Variants in PCNX2 observed in about 807,000 individuals in gnomAD.
The protein encoded by PCNX2 is pecanex 2.
A neutral mutation model predicts 223.8 loss-of-function variants in PCNX2; 168 were observed. That is an observed-to-expected ratio of 0.75 (90% CI 0.66 to 0.85). The LOEUF is 0.85. Ranked by LOEUF, PCNX2 falls within the 40% of genes least tolerant of loss-of-function variation. PCNX2 has a pLI of 0.00. For synonymous variants in PCNX2, 1,006 were observed against 1,052.6 expected, an observed-to-expected ratio of 0.96 and a Z score of 0.86; for missense variants, 2,507 against 2,675.5, an observed-to-expected ratio of 0.94 and a Z score of 1.39.
Position 232,986,162 on chromosome 1 carries a change from T to C in PCNX2, c.6170A>G (p.Asp2057Gly). The change falls in exon 33 of 34, where the codon GAC becomes GGC. Residue 2057 changes from aspartate (D) to glycine (G), a missense_variant. Transcript: ENST00000258229. ...GTTGACGCTGCTGGATGACTGGGTG[T>C]CACTGGTATTGCCCCCCTCCGCAGC... Reference protein sequence around the residue: ...LSAAEGGNTSDTQSSSSVNIV... With the variant: ...LSAAEGGNTSGTQSSSSVNIV... 1 of 1,568,038 alleles carries C rather than the reference T, an allele frequency of 6.4e-7. No individual in the cohort carries two copies. Among genetic ancestry groups the C allele is most frequent in the Non-Finnish European group, 8.7e-7 (1 of 1,155,762 alleles).
chr1:232,986,187 C>T lies in PCNX2; in HGVS notation c.6145G>A (p.Ala2049Thr), dbSNP rs749359074. The change falls in exon 33 of 34, where the codon GCT (alanine) becomes ACT (threonine). Residue 2049 changes from alanine (A) to threonine (T), a missense_variant. By Grantham distance (58) the Ala-to-Thr change is moderately conservative. Coordinates refer to ENST00000258229, the MANE Select transcript of PCNX2 (RefSeq NM_014801.4). ...TCACTGGTATTGCCCCCCTCCGCAG[C>T]AGAGAGTCCGGAAATGACGAGCGCG... The part of the protein sequence containing the change: ...SSALVISGLS[A>T]AEGGNTSDTQ... The T allele has an allele frequency of 1.3e-6, 2 of 1,561,462 alleles. No individual in the cohort carries two copies. Among genetic ancestry groups the T allele is most frequent in the South Asian group, 1.2e-5 (1 of 84,708 alleles).
At chr1:233,309,497 T>C in the PCNX2 span, among the ~76,000 whole-genome samples, 2 of 150,108 alleles carry the variant, frequency 1.3e-5, no homozygotes, top group South Asian at 4.2e-4. Context: ...GCCAAGATCA[T>C]GCCACTATAC....
At chr1:233,318,269 C>T in the PCNX2 span, among the ~76,000 whole-genome samples, 1 of 152,238 alleles carries the variant, frequency 6.6e-6, no homozygotes, top group East Asian at 1.9e-4. Flanking sequence ...AGAAAGTTTT[C>T]CATTTTTTAA....
chr1:233,179,094 G>A lies in PCNX2; in HGVS notation c.3148C>T (p.Arg1050Cys), dbSNP rs368762592. 2.8e-4 allele frequency: 450 copies of A among 1,613,812 alleles called. No individual in the cohort carries two copies. The highest frequency in any genetic ancestry group is 3.5e-4 in the Non-Finnish European group (410 of 1,179,816). ...LLVALSYHLS[R>C]QSSDPSVLMS... ...AGTACAGATGGGTCACTGCTCTGAC[G>A]GCTCAGATGGTAAGAAAGGGCGACC... Residue 1050 changes from arginine to cysteine, a missense_variant, in exon 16 of 34, where the codon CGT (arginine) becomes TGT (cysteine). Around this residue, in one of 3 missense-constraint regions of PCNX2, gnomAD observed 1,372 missense variants for 1,509.4 expected, o/e 0.91. Coordinates refer to ENST00000258229, the MANE Select transcript of PCNX2 (RefSeq NM_014801.4).
rs1017434081 is a variant in PCNX2, at chr1:233,160,440, T to G, written c.3367-7A>C. On this transcript the variant is annotated splice_region_variant and splice_polypyrimidine_tract_variant and intron_variant, in intron 18 of 33. Transcript: ENST00000258229. ...GCACGATGCTGAGAAATGGCTGCGA[T>G]AAAAATGGGCAGAATCTCATTACTT... 13 of 1,612,798 alleles carry G rather than the reference T, an allele frequency of 8.1e-6. No individual in the cohort carries two copies. The African/African-American group carries it at 1.6e-4, about 20-fold the overall frequency.
intron 25 of PCNX2, among the ~76,000 whole-genome samples, chr1:233,049,514 A>G (rs536351915): frequency 7.9e-4 from 120 of 152,254 alleles, no homozygotes; most frequent in Admixed American, 1.7e-3. Flanking sequence ...TCTATGACAA[A>G]CAAATGGCTG....
At chr1:233,033,574 A>T (rs187078157) in intron 25 of PCNX2, among the ~76,000 whole-genome samples, 1 of 152,254 alleles carries the variant, frequency 6.6e-6, no homozygotes, top group Non-Finnish European at 1.5e-5. Flanking sequence ...TAAAGAGAAC[A>T]TTGTGCAATA....
At chr1:233,217,021 T>C (rs983929218) in intron 12 of PCNX2, among the ~76,000 whole-genome samples, 8 of 151,950 alleles carry the variant, frequency 5.3e-5, no homozygotes, top group Admixed American at 1.3e-4. Context: ...GTTGAACCCA[T>C]AGAAAAAGCG....
At chr1:233,191,967 G>C (rs1031278813) in intron 15 of PCNX2, among the ~76,000 whole-genome samples, 1 of 152,124 alleles carries the variant, frequency 6.6e-6, no homozygotes, top group Non-Finnish European at 1.5e-5. Context: ...TGAGCTTCCT[G>C]ATATAACTAC....
At chr1:233,260,072 C>T (rs1659968284) in intron 4 of PCNX2, among the ~76,000 whole-genome samples, 1 of 152,058 alleles carries the variant, frequency 6.6e-6, no homozygotes, top group South Asian at 2.1e-4. Context: ...GGTCCTGGAA[C>T]CAAATCCCCT....
intron 25 of PCNX2, among the ~76,000 whole-genome samples, chr1:233,042,210 A>G (rs1414971942): frequency 6.6e-6 from 1 of 152,030 alleles, no homozygotes; most frequent in African/African-American, 2.4e-5. Context: ...ATCTGCCCCT[A>G]CCTGCATCTG....
chr1:233,121,117 T>C (rs932983498), intron 21 of PCNX2, among the ~76,000 whole-genome samples: 1 of 151,308 alleles, frequency 6.6e-6, no homozygotes, highest in Non-Finnish European at 1.5e-5. Context: ...TGTATCAATA[T>C]AATAAAATAT....
At chr1:233,055,883 G>C (rs1017433145) in intron 24 of PCNX2, among the ~76,000 whole-genome samples, 2 of 152,008 alleles carry the variant, frequency 1.3e-5, no homozygotes, top group African/African-American at 4.8e-5. Context: ...GGCAGGGAGT[G>C]GTACAAGAAG....
intron 16 of PCNX2, 78 bp downstream of exon 16, chr1:233,178,988 C>T: frequency 2.3e-6 from 3 of 1,300,138 alleles, no homozygotes; most frequent in Non-Finnish European, 3.3e-6. Context: ...GCTGTCTGCC[C>T]ATCTCAGTCA....
intron 28 of PCNX2, among the ~76,000 whole-genome samples, chr1:233,012,235 A>C (rs1326356268): frequency 6.6e-6 from 1 of 152,138 alleles, no homozygotes; most frequent in Admixed American, 6.5e-5. Flanking sequence ...ATTTTTTTCA[A>C]GTCAAACTAT....
chr1:233,269,287 C>T (rs1268819863), intron 1 of PCNX2, among the ~76,000 whole-genome samples: 1 of 152,196 alleles, frequency 6.6e-6, no homozygotes, highest in Non-Finnish European at 1.5e-5. Flanking sequence ...AATTCATTTA[C>T]CTGGCACATA....
At chr1:233,069,897 T>C (rs1022937262) in intron 23 of PCNX2, among the ~76,000 whole-genome samples, 18 of 151,758 alleles carry the variant, frequency 1.2e-4, no homozygotes, top group African/African-American at 1.9e-4. Flanking sequence ...ATCAGTGAAA[T>C]TGAAAAATAA....
chr1:233,056,515 C>T (rs185508626), intron 24 of PCNX2, among the ~76,000 whole-genome samples: 1 of 152,334 alleles, frequency 6.6e-6, no homozygotes, highest in African/African-American at 2.4e-5. Flanking sequence ...CCTCTCCTCC[C>T]TCATTGTACT....
chr1:233,190,799 T>C (rs1321935693), intron 15 of PCNX2, among the ~76,000 whole-genome samples: 1 of 152,166 alleles, frequency 6.6e-6, no homozygotes, highest in Non-Finnish European at 1.5e-5. Context: ...TTTACACCTA[T>C]AACAAGCCAT....
Sources: gnomAD v4.1 joint callset for allele counts (sites outside exome capture counted in the v4.1 genomes callset) on GRCh38, gnomAD v4.1.1 for gene constraint, gnomAD v4.1.1 regional missense constraint, MANE v1.5 for transcripts, NCBI Gene and HGNC (gene_info 2026-07-23, HGNC 2026-07-21) for gene names.